TASL: variants seen among roughly 807,000 people sequenced by gnomAD.
TASL encodes TLR adapter interacting with SLC15A4 on the lysosome.
In TASL, 6 loss-of-function variants were observed where a neutral mutation model predicts 12.9. The ratio of observed to expected loss-of-function variants is 0.46; its 90% CI spans 0.25 to 0.92. TASL has a LOEUF of 0.92. Among genes scored for constraint, TASL ranks in the 40% least tolerant of loss-of-function variants. The pLI, the probability that TASL is intolerant of heterozygous loss-of-function variation, is 0.17. For missense variants in TASL, 165 were observed against 212.8 expected (o/e 0.78, Z 1.40); for synonymous variants, 85 against 79.3 (o/e 1.07, Z -0.38).
chrX:30,559,231 T>A lies in TASL; in HGVS notation c.*219A>T, dbSNP rs148544958. On this transcript the variant is annotated 3_prime_UTR_variant, in exon 3 of 3. Coordinates refer to ENST00000378962, the MANE Select transcript of TASL (RefSeq NM_025159.3). The stretch of plus-strand genomic sequence containing the variant: ...TTTTTGCTTCCTTGCTGTACACACC[T>A]CTCTTTGAAATCATTCCTTATGGCT... 930 of 348,868 alleles carry A rather than the reference T, an allele frequency of 2.7e-3. 8 individuals are homozygous for A. The highest frequency in any genetic ancestry group is 0.021 in the African/African-American group (813 of 38,219). 28.8% of individuals were successfully genotyped at this position (348,868 alleles called of 1,213,427 possible). A position where few individuals can be genotyped will look rare whatever the true frequency, so the allele number is the denominator to read the frequency against.
At chrX:30,562,281 C>T (rs1329511590) in intron 2 of TASL, among the ~76,000 whole-genome samples, 3 of 111,953 alleles carry the variant, frequency 2.7e-5, no homozygotes, top group African/African-American at 9.8e-5. Flanking sequence ...CTTAAGTAGA[C>T]TGAGTCCCCC....
chrX:30,560,446 G>T (rs950339958), intron 2 of TASL, 90 bp from the exon 3 acceptor site: 1 of 626,882 alleles, frequency 1.6e-6, no homozygotes, highest in African/African-American at 2.3e-5. Context: ...TAAGGACAAT[G>T]AATAAATTCA....
At chrX:30,566,232 C>T (rs182820098) in intron 2 of TASL, among the ~76,000 whole-genome samples, 4 of 110,147 alleles carry the variant, frequency 3.6e-5, no homozygotes, top group South Asian at 8.1e-4. Context: ...CCAGGCCAGG[C>T]GTGGTGGCTC....
chrX:30,559,638 G>A lies in TASL; in HGVS notation c.718C>T (p.Leu240=), dbSNP rs765935213. The A allele has an allele frequency of 8.3e-7, 1 of 1,210,019 alleles. No individual in the cohort carries two copies. Among genetic ancestry groups the A allele is most frequent in the Non-Finnish European group, 1.1e-6 (1 of 894,166 alleles). ...CTTGTCATGATGAGTTCAGACGCCAGAATCTGGGTAGGAGAACTGTCATGA... is the reference window on the plus strand; with the variant it reads ...CTTGTCATGATGAGTTCAGACGCCAAAATCTGGGTAGGAGAACTGTCATGA... ...VFHDSSPTQI[L]ASELIMTSVD... The change falls in exon 3 of 3, where the codon CTG becomes TTG. Residue 240 remains leucine (L), a synonymous_variant. Coordinates refer to ENST00000378962, the MANE Select transcript of TASL (RefSeq NM_025159.3).
chrX:30,568,920 C>T (rs1409275157), intron 2 of TASL, among the ~76,000 whole-genome samples: 1 of 101,311 alleles, frequency 9.9e-6, no homozygotes, highest in African/African-American at 3.7e-5. Context: ...GGTCTGATGA[C>T]GGAAAAACAG....
Position 30,560,352 on chromosome X carries a change from G to T in TASL, c.4C>A (p.Leu2Met). The T allele has an allele frequency of 8.6e-7, 1 of 1,158,476 alleles. No individual in the cohort carries two copies. Among genetic ancestry groups the T allele is most frequent in the Non-Finnish European group, 1.2e-6 (1 of 864,323 alleles). Residue 2 changes from leucine to methionine, a missense_variant, in exon 3 of 3, where the codon CTG (leucine) becomes ATG (methionine). Leu to Met is a conservative substitution (Grantham distance 15). Coordinates refer to ENST00000378962, the MANE Select transcript of TASL (RefSeq NM_025159.3). MLSEGYLSGLEY... is the reference protein window; with the variant it reads MMSEGYLSGLEY... ...AGTCCACTGAGATACCCTTCTGACA[G>T]CATTCTGGAAAGAGAATTGATGAGT...
intron 2 of TASL, among the ~76,000 whole-genome samples, chrX:30,571,447 C>T (rs1386169614): frequency 9.1e-6 from 1 of 109,492 alleles, no homozygotes; most frequent in Non-Finnish European, 1.9e-5. Flanking sequence ...GACAAAACCC[C>T]ATCTTTACTA....
intron 2 of TASL, among the ~76,000 whole-genome samples, chrX:30,570,741 T>C (rs764387550): frequency 1.1e-4 from 12 of 112,296 alleles, no homozygotes; most frequent in Non-Finnish European, 2.3e-4. Context: ...AGGAGGCTTT[T>C]AAAAGACCTT....
At chrX:30,573,461 C>T (rs991267484) in intron 2 of TASL, among the ~76,000 whole-genome samples, 26 of 112,739 alleles carry the variant, frequency 2.3e-4, no homozygotes, top group Non-Finnish European at 4.7e-4. Flanking sequence ...GATGACTACA[C>T]ATATGTCCCA....
At chrX:30,561,992 G>A (rs1468992627) in intron 2 of TASL, among the ~76,000 whole-genome samples, 2 of 111,430 alleles carry the variant, frequency 1.8e-5, no homozygotes, top group African/African-American at 6.5e-5. Flanking sequence ...TTATCATAAA[G>A]AACTAATGGG....
intron 2 of TASL, among the ~76,000 whole-genome samples, chrX:30,561,860 T>TTA (rs745330746): frequency 1.0e-5 from 1 of 96,594 alleles, no homozygotes; most frequent in Non-Finnish European, 2.1e-5. Flanking sequence ...TTATAAGGAT[T>TTA]AAAAAAAAAA....
intron 2 of TASL, among the ~76,000 whole-genome samples, chrX:30,570,343 A>G (rs1053756804): frequency 8.1e-5 from 9 of 111,322 alleles, no homozygotes; most frequent in Admixed American, 3.8e-4. Flanking sequence ...CAGTGGTTTT[A>G]GTTTAGTTGT....
chrX:30,563,310 A>T (rs1214199220), intron 2 of TASL, among the ~76,000 whole-genome samples: 1 of 111,720 alleles, frequency 9.0e-6, no homozygotes, highest in Non-Finnish European at 1.9e-5. Flanking sequence ...GTGTTTCCTG[A>T]GGCTCCCCAG....
At chrX:30,563,338 A>T (rs1420772934) in intron 2 of TASL, among the ~76,000 whole-genome samples, 3 of 111,944 alleles carry the variant, frequency 2.7e-5, no homozygotes, top group Non-Finnish European at 3.8e-5. Context: ...GAACTGAGTC[A>T]ATTAAACCTC....
rs751682389 is a variant in TASL at position 30,560,115 on chromosome X, C to G, written c.241G>C (p.Val81Leu). 1 of 1,210,451 alleles carries G rather than the reference C, an allele frequency of 8.3e-7. No individual in the cohort carries two copies. The highest frequency in any genetic ancestry group is 3.0e-5 in the East Asian group (1 of 33,839). ...TTGGGGTTTGTCTGCAGCACTGTGA[C>G]TCTCTGACTTCTGCTATGTTGGCTC... Reference protein sequence around the residue: ...RESQHSRSQRVTVLQTNPNPV... With the variant: ...RESQHSRSQRLTVLQTNPNPV... Residue 81 changes from valine (V) to leucine (L), a missense_variant, in exon 3 of 3, where the codon GTC (valine) becomes CTC (leucine). Val to Leu is a conservative substitution (Grantham distance 32, BLOSUM62 1). Transcript: ENST00000378962.
At chrX:30,561,291 T>C (rs1205097971) in intron 2 of TASL, among the ~76,000 whole-genome samples, 1 of 111,651 alleles carries the variant, frequency 9.0e-6, no homozygotes, top group Non-Finnish European at 1.9e-5. Flanking sequence ...CTGATGTGTT[T>C]ACCTCCTAGT....
chrX:30,577,234 T>A (rs1388694174), intron 1 of TASL, among the ~76,000 whole-genome samples: 1 of 112,514 alleles, frequency 8.9e-6, no homozygotes, highest in East Asian at 2.8e-4. Context: ...AGAGCTGTGT[T>A]GTCCCTGCAA....
At chrX:30,562,356 A>C (rs1930437879) in intron 2 of TASL, among the ~76,000 whole-genome samples, 1 of 111,788 alleles carries the variant, frequency 8.9e-6, no homozygotes, top group East Asian at 2.8e-4. Flanking sequence ...TTGCAAAATT[A>C]TCTCATGCCC....
At chrX:30,568,748 T>C (rs1253295887) in intron 2 of TASL, among the ~76,000 whole-genome samples, 2 of 111,006 alleles carry the variant, frequency 1.8e-5, no homozygotes, top group African/African-American at 3.3e-5. Context: ...CACTCCTTCA[T>C]AACAATGAAG....
Sources: gnomAD v4.1 joint callset for allele counts (sites outside exome capture counted in the v4.1 genomes callset) on GRCh38, gnomAD v4.1.1 for gene constraint, MANE v1.5 for transcripts, NCBI Gene and HGNC (gene_info 2026-07-23, HGNC 2026-07-21) for gene names.